Variants in RBFOX1 observed in about 807,000 individuals in gnomAD.
RBFOX1 encodes the protein RNA binding protein fox-1 homolog 1.
In RBFOX1, 8 loss-of-function variants were observed where a neutral mutation model predicts 57.7. The observed-to-expected ratio is 0.14, with a 90% CI of 0.08 to 0.25. The LOEUF is 0.25. Among genes scored for constraint, RBFOX1 ranks in the 10% least tolerant of loss-of-function variants. RBFOX1 has a pLI of 1.00. For synonymous variants in RBFOX1, 326 were observed against 222.4 expected, an observed-to-expected ratio of 1.47 and a Z score of -4.15; for missense variants, 611 against 548.5, an observed-to-expected ratio of 1.11 and a Z score of -1.14.
Position 6,616,096 on chromosome 16 carries a change from C to T in RBFOX1, c.-63-38507C>T, listed in dbSNP as rs191095531. 2.6e-3 allele frequency among the ~76,000 whole-genome samples: 393 copies of T among 152,186 alleles called. 1 individual carries two copies. Among genetic ancestry groups the T allele is most frequent in the Non-Finnish European group, 4.1e-3 (278 of 68,006 alleles). On this transcript the variant is annotated intron_variant, in intron 2 of 15. Transcript: ENST00000550418. ...CTGTGCAGCAGATGAGGACAGGGCC[C>T]CAATCCCAAACTGAAGAATCTTTTA... is the stretch of plus-strand genomic sequence containing the variant.
intron 4 of RBFOX1, among the ~76,000 whole-genome samples, chr16:7,302,870 CATAAA>C (rs2096067023): frequency 6.6e-6 from 1 of 151,174 alleles, no homozygotes; most frequent in Non-Finnish European, 1.5e-5. Context: ...ATTATTACTT[CATAAA>C]ATAAAGGGGA....
At chr16:6,862,236 T>C (rs141092142) in intron 3 of RBFOX1, among the ~76,000 whole-genome samples, 1 of 152,246 alleles carries the variant, frequency 6.6e-6, no homozygotes, top group East Asian at 1.9e-4. Context: ...TTATTGCACA[T>C]AAGAAACCCA....
In RBFOX1 at chr16:6,796,190, A is replaced by AT. The variant is rs564889756; in HGVS notation, c.-16+141546dup. Among the ~76,000 whole-genome samples, 9 of 152,178 alleles carry AT rather than the reference A, an allele frequency of 5.9e-5. No homozygotes were observed. In the East Asian group the frequency reaches 1.2e-3, roughly 20 times the overall value. ...AGAGAGCTTGTGCAGGGAAACTCCCATTTTTTAAACCATCATATCTGAAGA... is the reference window on the plus strand; with the variant it reads ...AGAGAGCTTGTGCAGGGAAACTCCCATTTTTTTAAACCATCATATCTGAAGA... On this transcript the variant is annotated intron_variant, in intron 3 of 15. Coordinates refer to ENST00000550418, the MANE Select transcript of RBFOX1 (RefSeq NM_018723.4).
intron 3 of RBFOX1, among the ~76,000 whole-genome samples, chr16:6,976,079 A>G (rs762369646): frequency 6.6e-6 from 1 of 152,182 alleles, no homozygotes; most frequent in Non-Finnish European, 1.5e-5. Context: ...ATGAGCCAAG[A>G]TCGTCCCACT....
At chr16:7,636,605 A>G (rs72776807) in intron 11 of RBFOX1, among the ~76,000 whole-genome samples, 4,499 of 152,314 alleles carry the variant, frequency 0.03, 109 homozygotes, top group South Asian at 0.12. Flanking sequence ...TTGGATTACA[A>G]AATCCCTGTC....
chr16:7,667,592 T>G (rs1296600024), intron 13 of RBFOX1, among the ~76,000 whole-genome samples: 3 of 152,216 alleles, frequency 2.0e-5, no homozygotes, highest in African/African-American at 7.2e-5. Flanking sequence ...TTAAAAGTAG[T>G]ACACAATAAA....
At chr16:7,498,040 G>C (rs115517417) in intron 4 of RBFOX1, among the ~76,000 whole-genome samples, 2,341 of 152,272 alleles carry the variant, frequency 0.015, 63 homozygotes, top group African/African-American at 0.053. Context: ...TGAGCCTTGG[G>C]AGCTTTGTTG....
At chr16:6,485,722 T>G (rs1162241172) in intron 2 of RBFOX1, among the ~76,000 whole-genome samples, 2 of 152,236 alleles carry the variant, frequency 1.3e-5, no homozygotes, top group African/African-American at 4.8e-5. Context: ...TCTTTTCTGT[T>G]ACCCCAAATT....
chr16:6,773,484 G>A (rs147067149), intron 3 of RBFOX1, among the ~76,000 whole-genome samples: 1 of 147,512 alleles, frequency 6.8e-6, no homozygotes, highest in Non-Finnish European at 1.5e-5. Context: ...TGGGTGTGGG[G>A]TATATTTGTG....
At chr16:6,784,262 T>C (rs1449085069) in intron 3 of RBFOX1, among the ~76,000 whole-genome samples, 2 of 152,126 alleles carry the variant, frequency 1.3e-5, no homozygotes, top group Non-Finnish European at 2.9e-5. Flanking sequence ...ATTTGCCGTT[T>C]TTAGGTTATT....
chr16:7,680,888 C>G (rs2074553351), intron 14 of RBFOX1, among the ~76,000 whole-genome samples: 1 of 151,974 alleles, frequency 6.6e-6, no homozygotes, highest in South Asian at 2.1e-4. Context: ...ATCTTCCTCT[C>G]TGCACACACA....
chr16:6,579,199 T>G (rs1177922143), intron 2 of RBFOX1, among the ~76,000 whole-genome samples: 1 of 152,180 alleles, frequency 6.6e-6, no homozygotes, highest in Non-Finnish European at 1.5e-5. Flanking sequence ...GTTTTCTTTT[T>G]TGTTATTGTT....
At chr16:6,155,080 G>T (rs2096829147) in intron 1 of RBFOX1, among the ~76,000 whole-genome samples, 1 of 152,154 alleles carries the variant, frequency 6.6e-6, no homozygotes, top group African/African-American at 2.4e-5. Flanking sequence ...TTTTAATTCT[G>T]TTCTGGAACT....
chr16:7,301,841 G>T (rs760294228), intron 4 of RBFOX1, among the ~76,000 whole-genome samples: 1 of 152,140 alleles, frequency 6.6e-6, no homozygotes, highest in Non-Finnish European at 1.5e-5. Context: ...GGATTGGAAA[G>T]GTAGAATGGT....
chr16:6,938,923 G>C (rs975422776), intron 3 of RBFOX1, among the ~76,000 whole-genome samples: 1 of 152,096 alleles, frequency 6.6e-6, no homozygotes, highest in Non-Finnish European at 1.5e-5. Context: ...CATAGTGAGA[G>C]TCCATCTCAA....
chr16:7,509,210 A>G lies in RBFOX1; in HGVS notation c.28-8937A>G, dbSNP rs78418472. 3.4e-3 allele frequency among the ~76,000 whole-genome samples: 512 copies of G among 152,350 alleles called. 5 individuals are homozygous for G. Among genetic ancestry groups the G allele is most frequent in the African/African-American group, 0.012 (487 of 41,580 alleles). The stretch of plus-strand genomic sequence containing the variant: ...CAAGACCCCTGTACTTTTTCTTGAT[A>G]GCATTTGTCACCCCTGGAATATTGC... On this transcript the variant is annotated intron_variant, in intron 4 of 15. Transcript: ENST00000550418.
chr16:6,392,649 C>T (rs972611974), intron 2 of RBFOX1, among the ~76,000 whole-genome samples: 1 of 152,168 alleles, frequency 6.6e-6, no homozygotes, highest in Non-Finnish European at 1.5e-5. Context: ...CTAATAGACC[C>T]CCCTAATGGG....
Position 5,946,197 on chromosome 16 carries a change from G to T in RBFOX1, c.351+78862G>T, listed in dbSNP as rs2059396948. On this transcript the variant is annotated intron_variant, in intron 4 of 19. Coordinates refer to the RBFOX1 transcript ENST00000641259. This position sits in a 1 kb window ranked among gnomAD's most constrained non-coding sequence, Gnocchi z 4.6. ...AAGTGCACAGACGGCCCGAGGTGGG[G>T]GCCAGGCTCTGCCACATTAGATGCC... 6.6e-6 allele frequency among the ~76,000 whole-genome samples: 1 copy of T among 152,130 alleles called. No homozygotes were observed. Among genetic ancestry groups the T allele is most frequent in the Non-Finnish European group, 1.5e-5 (1 of 68,042 alleles).
chr16:5,492,027 C>A (rs927300254), intron 2 of RBFOX1, among the ~76,000 whole-genome samples: 2 of 152,150 alleles, frequency 1.3e-5, no homozygotes, highest in Admixed American at 6.6e-5. Flanking sequence ...GGGCCCCAGA[C>A]CAGCAGTATC....
Sources: gnomAD v4.1 joint callset for allele counts (sites outside exome capture counted in the v4.1 genomes callset) on GRCh38, gnomAD v4.1.1 for gene constraint, Gnocchi (gnomAD v3.1) non-coding constraint, MANE v1.5 for transcripts, NCBI Gene and HGNC (gene_info 2026-07-23, HGNC 2026-07-21) for gene names.